The following RPL11 variants were observed in gnomAD, a reference collection of about 807,000 sequenced individuals.
RPL11 encodes large ribosomal subunit protein uL5.
Under a neutral mutation model 24.1 loss-of-function variants are expected in RPL11, and 3 were observed. The ratio of observed to expected loss-of-function variants is 0.12; its 90% confidence interval spans 0.06 to 0.32. RPL11 has a LOEUF of 0.32. Among genes scored for constraint, RPL11 ranks in the 10% least tolerant of loss-of-function variants. The pLI, the probability that RPL11 is intolerant of heterozygous loss-of-function variation, is 1.00. For synonymous variants in RPL11, 96 were observed against 75.7 expected (o/e 1.27, Z -1.39); for missense variants, 146 against 225.7 (o/e 0.65, Z 2.26).
chr1:23,693,768 T>C (rs765277053), intron 2 of RPL11, 39 bp from the exon 3 acceptor site: 4 of 1,370,454 alleles, frequency 2.9e-6, no homozygotes, highest in Admixed American at 1.7e-5. Context: ...GTAGTGGGGG[T>C]ATGATGGCAT....
At chr1:23,694,173 C>A (rs1469106755) in intron 3 of RPL11, among the ~76,000 whole-genome samples, 1 of 151,832 alleles carries the variant, frequency 6.6e-6, no homozygotes, top group Admixed American at 6.6e-5. Context: ...GCCAGGAGTT[C>A]GAGACCATCC....
At chr1:23,694,239 T>A (rs1644519728) in intron 3 of RPL11, among the ~76,000 whole-genome samples, 1 of 152,044 alleles carries the variant, frequency 6.6e-6, no homozygotes, top group Non-Finnish European at 1.5e-5. Flanking sequence ...TTAGCCGGGC[T>A]TGGTGGCGGG....
In RPL11 at chr1:23,691,902, A is replaced by G. The variant is rs368317419; in HGVS notation, c.6+73A>G. ...ATGGCAGGCCGAGCCTGCGGGGGCTACTTCGCCCGCAGCCCGAGGAATATG... is the reference window on the plus strand; with the variant it reads ...ATGGCAGGCCGAGCCTGCGGGGGCTGCTTCGCCCGCAGCCCGAGGAATATG... On this transcript the variant is annotated intron_variant, in intron 1 of 5. Coordinates refer to ENST00000643754, the MANE Select transcript of RPL11 (RefSeq NM_000975.5). 4.6e-4 allele frequency: 741 copies of G among 1,596,242 alleles called. 1 individual carries two copies. Among genetic ancestry groups the G allele is most frequent in the Non-Finnish European group, 5.9e-4 (681 of 1,163,950 alleles).
intron 1 of RPL11, 116 bp downstream of exon 1, chr1:23,691,945 TG>T (rs1570565860): frequency 7.3e-7 from 1 of 1,376,010 alleles, no homozygotes; most frequent in Non-Finnish European, 1.0e-6. Flanking sequence ...CAATGCCTGC[TG>T]GCCCAAAACT....
chr1:23,695,663 C>T (rs1295778635), intron 4 of RPL11, 135 bp from the exon 5 acceptor site: 24 of 820,038 alleles, frequency 2.9e-5, no homozygotes, highest in Non-Finnish European at 4.3e-5. Context: ...TTGTCAGACA[C>T]AGATCATGGG....
At chr1:23,695,481 C>A (rs1644527886) in intron 4 of RPL11, 6 of 387,154 alleles carry the variant, frequency 1.5e-5, no homozygotes, top group South Asian at 1.4e-4. Context: ...GCTGGTGTGG[C>A]AATAGATTTT....
chr1:23,694,570 C>T, intron 3 of RPL11, 90 bp from the exon 4 acceptor site: 1 of 1,555,792 alleles, frequency 6.4e-7, no homozygotes, highest in Non-Finnish European at 8.8e-7. Context: ...CTCTGGGGTG[C>T]ATGTTGCAGG....
chr1:23,696,222 AAGGAT>A, intron 5 of RPL11, 117 bp from the exon 6 acceptor site: 1 of 950,786 alleles, frequency 1.1e-6, no homozygotes, highest in Non-Finnish European at 1.7e-6. Context: ...TAGTCCAGAA[AAGGAT>A]GGGATTCAGA....
intron 5 of RPL11, among the ~76,000 whole-genome samples, 161 bp from the exon 6 acceptor site, chr1:23,696,181 GCA>G (rs1277741409): frequency 6.6e-6 from 1 of 152,104 alleles, no homozygotes; most frequent in Non-Finnish European, 1.5e-5. Context: ...GTGCAGTTCA[GCA>G]CAGTGTAAAA....
At position 23,692,741 on chromosome 1, in the gene RPL11, A is replaced by G. The variant is rs776557761; in HGVS notation, c.139A>G (p.Thr47Ala). Residue 47 changes from threonine (T) to alanine (A), a missense_variant, in exon 2 of 6, where the codon ACC becomes GCC. Thr to Ala is a moderately conservative substitution (Grantham distance 58). Coordinates refer to ENST00000643754, the MANE Select transcript of RPL11 (RefSeq NM_000975.5). The stretch of plus-strand genomic sequence containing the variant: ...GGTGTTGGAGCAGCTCACAGGGCAG[A>G]CCCCTGTGTTTTCCAAAGGTGAGTA... The part of the protein sequence containing the change: ...AKVLEQLTGQ[T>A]PVFSKARYTV... The G allele has an allele frequency of 6.2e-7, 1 of 1,613,510 alleles. No homozygotes were observed. Among genetic ancestry groups the G allele is most frequent in the African/African-American group, 1.3e-5 (1 of 74,784 alleles).
At chr1:23,695,092 A>G in intron 4 of RPL11, 1 of 432,630 alleles carries the variant, frequency 2.3e-6, no homozygotes, top group Non-Finnish European at 4.3e-6. Flanking sequence ...GAAACTTTGG[A>G]GAGAGGCAGT....
intron 1 of RPL11, 109 bp downstream of exon 1, chr1:23,691,938 T>C (rs1386266943): frequency 7.0e-7 from 1 of 1,436,390 alleles, no homozygotes. Flanking sequence ...GAGCCCGCAA[T>C]GCCTGCTGGC....
intron 4 of RPL11, 105 bp from the exon 5 acceptor site, chr1:23,695,692 TG>T (rs1175192844): frequency 2.9e-6 from 3 of 1,046,138 alleles, no homozygotes; most frequent in African/African-American, 3.2e-5. Flanking sequence ...CAGAATCCAT[TG>T]GGCTGCCAAG....
At chr1:23,694,842 C>T in intron 4 of RPL11, 51 bp downstream of exon 4, 1 of 1,612,920 alleles carries the variant, frequency 6.2e-7, no homozygotes, top group Non-Finnish European at 8.5e-7. Flanking sequence ...AGAGGGGAAT[C>T]TTTATTTCAT....
At chr1:23,694,277 C>T (rs994179977) in intron 3 of RPL11, among the ~76,000 whole-genome samples, 2 of 151,918 alleles carry the variant, frequency 1.3e-5, no homozygotes, top group African/African-American at 4.8e-5. Context: ...ACTCGGGAAG[C>T]TGAGGCACGA....
intron 2 of RPL11, 52 bp downstream of exon 2, chr1:23,692,811 T>G: frequency 6.2e-7 from 1 of 1,610,168 alleles, no homozygotes; most frequent in Non-Finnish European, 8.5e-7. Context: ...CGCTTGGTTG[T>G]TTCTTGATTT....
chr1:23,694,858 G>T, intron 4 of RPL11, 67 bp downstream of exon 4: 1 of 1,605,956 alleles, frequency 6.2e-7, no homozygotes, highest in Non-Finnish European at 8.5e-7. Context: ...TTCATATGTG[G>T]TATGTTGGTG....
At chr1:23,694,969 T>A in intron 4 of RPL11, 178 bp downstream of exon 4, 1 of 903,008 alleles carries the variant, frequency 1.1e-6, no homozygotes, top group Non-Finnish European at 1.7e-6. Context: ...GGTGCAGCTC[T>A]GAACAAGGTG....
At chr1:23,695,495 A>G (rs1644527970) in intron 4 of RPL11, 1 of 413,176 alleles carries the variant, frequency 2.4e-6, no homozygotes, top group Non-Finnish European at 4.5e-6. Flanking sequence ...AGATTTTTAA[A>G]TGTTACTTTT....
Sources: allele counts gnomAD v4.1 joint callset (sites outside exome capture counted in the v4.1 genomes callset), GRCh38; gene constraint gnomAD v4.1.1; transcripts MANE v1.5; gene names NCBI Gene and HGNC (gene_info 2026-07-23, HGNC 2026-07-21).